The following WDR70 variants were observed in gnomAD, a reference collection of about 807,000 sequenced individuals.
The protein encoded by WDR70 is WD repeat-containing protein 70.
A neutral mutation model predicts 88.6 loss-of-function variants in WDR70; 53 were observed. That is an observed-to-expected ratio of 0.60 (90% CI 0.48 to 0.75). The LOEUF is 0.75. Among genes scored for constraint, WDR70 ranks in the 30% least tolerant of loss-of-function variants. The pLI, the probability that WDR70 is intolerant of heterozygous loss-of-function variation, is 0.00. For missense variants in WDR70, 610 were observed against 823.2 expected (o/e 0.74, Z 3.17); for synonymous variants, 280 against 270.0 (o/e 1.04, Z -0.36).
At chr5:37,471,521 G>T (rs1217559908) in intron 7 of WDR70, among the ~76,000 whole-genome samples, 1 of 151,088 alleles carries the variant, frequency 6.6e-6, no homozygotes, top group Non-Finnish European at 1.5e-5. Context: ...GACTTTCGTT[G>T]GTTAAATAGG....
chr5:37,724,032 G>A (rs1011248207), intron 15 of WDR70: 4 of 152,038 alleles, frequency 2.6e-5, no homozygotes, highest in African/African-American at 9.7e-5. Context: ...ACATTTTATT[G>A]ATATTATAAA....
chr5:37,380,640 C>A (rs1365212851), intron 2 of WDR70, among the ~76,000 whole-genome samples: 1 of 151,136 alleles, frequency 6.6e-6, no homozygotes, highest in African/African-American at 2.4e-5. Flanking sequence ...CTGTGCCCAG[C>A]CTTTTCTATT....
At chr5:37,468,179 T>G (rs142108595) in intron 7 of WDR70, among the ~76,000 whole-genome samples, 9,148 of 152,264 alleles carry the variant, frequency 0.06, 359 homozygotes, top group South Asian at 0.13. Flanking sequence ...AACACAAACA[T>G]GCAGTCTGTA....
chr5:37,733,569 T>C (rs573553198), intron 17 of WDR70, among the ~76,000 whole-genome samples: 14 of 152,208 alleles, frequency 9.2e-5, no homozygotes, highest in African/African-American at 3.4e-4. Context: ...TTCTCTGTTC[T>C]GTTCTGTCAA....
At chr5:37,502,906 C>A (rs1338796660) in intron 8 of WDR70, among the ~76,000 whole-genome samples, 1 of 152,170 alleles carries the variant, frequency 6.6e-6, no homozygotes, top group Non-Finnish European at 1.5e-5. Context: ...GAAGGATTCA[C>A]CCCCATGATC....
chr5:37,601,603 ATTC>A (rs1388943373), intron 9 of WDR70, among the ~76,000 whole-genome samples: 1 of 152,056 alleles, frequency 6.6e-6, no homozygotes, highest in Non-Finnish European at 1.5e-5. Context: ...ATTGGTATTA[ATTC>A]TTCTTTAACT....
At position 37,516,603 on chromosome 5, in the gene WDR70, G is replaced by A. The variant is rs779016451; in HGVS notation, c.917+13G>A. 2 of 1,566,740 alleles carry A rather than the reference G, an allele frequency of 1.3e-6. No individual in the cohort carries two copies. The highest frequency in any genetic ancestry group is 2.3e-5 in the South Asian group (2 of 87,164). On this transcript the variant is annotated intron_variant, in intron 9 of 17. Coordinates refer to ENST00000265107, the MANE Select transcript of WDR70 (RefSeq NM_018034.4). Reference sequence around the variant, plus strand: ...GCTCAAATGATGCGTGAGTATTGTTGATAATTCATCTAATACATTCATATC... The same window carrying A: ...GCTCAAATGATGCGTGAGTATTGTTAATAATTCATCTAATACATTCATATC...
At chr5:37,437,791 G>GT (rs1750516047) in intron 5 of WDR70, 131 bp from the exon 6 acceptor site, 14 of 833,088 alleles carry the variant, frequency 1.7e-5, no homozygotes, top group East Asian at 2.9e-5. Flanking sequence ...CTTTTTTGCT[G>GT]TTTTTTTAAG....
intron 9 of WDR70, among the ~76,000 whole-genome samples, chr5:37,569,326 T>C (rs1050636097): frequency 5.3e-5 from 8 of 152,198 alleles, no homozygotes; most frequent in African/African-American, 1.9e-4. Context: ...AGTCACTTGC[T>C]GCTTTCTCAG....
At chr5:37,536,017 T>C (rs1348559450) in intron 9 of WDR70, among the ~76,000 whole-genome samples, 2 of 152,184 alleles carry the variant, frequency 1.3e-5, no homozygotes, top group Non-Finnish European at 2.9e-5. Flanking sequence ...TTTAGAAACA[T>C]GTTGCAGTAT....
intron 3 of WDR70, among the ~76,000 whole-genome samples, chr5:37,384,172 C>CG (rs1223285894): frequency 8.8e-6 from 1 of 113,920 alleles, no homozygotes; most frequent in Non-Finnish European, 1.7e-5. Context: ...TACTTTCCCC[C>CG]CTTTTTTTTT....
At chr5:37,545,228 TCA>T (rs893966582) in intron 9 of WDR70, among the ~76,000 whole-genome samples, 1 of 152,148 alleles carries the variant, frequency 6.6e-6, no homozygotes, top group Non-Finnish European at 1.5e-5. Flanking sequence ...TAGAAATACC[TCA>T]GTCTTTCCTT....
At chr5:37,407,065 A>G (rs915333962) in intron 5 of WDR70, among the ~76,000 whole-genome samples, 6 of 152,208 alleles carry the variant, frequency 3.9e-5, no homozygotes, top group African/African-American at 1.4e-4. Context: ...AATAACAACA[A>G]ATAATTAGGT....
chr5:37,426,724 C>T (rs1561847909), intron 5 of WDR70, among the ~76,000 whole-genome samples: 1 of 151,734 alleles, frequency 6.6e-6, no homozygotes, highest in South Asian at 2.1e-4. Context: ...GATGTGATTT[C>T]TTGAGGCCAT....
intron 17 of WDR70, among the ~76,000 whole-genome samples, chr5:37,750,745 T>C (rs1748782495): frequency 6.6e-6 from 1 of 152,220 alleles, no homozygotes; most frequent in South Asian, 2.1e-4. Flanking sequence ...GACATAACTT[T>C]GCTTCTCATT....
intron 9 of WDR70, among the ~76,000 whole-genome samples, chr5:37,565,656 C>A (rs912359411): frequency 1.3e-5 from 2 of 152,030 alleles, no homozygotes; most frequent in East Asian, 3.9e-4. Flanking sequence ...AAACAGGTGT[C>A]TTTATATTAT....
At chr5:37,466,705 C>CAAAAAAA (rs796359494) in intron 7 of WDR70, among the ~76,000 whole-genome samples, 1 of 65,536 alleles carries the variant, frequency 1.5e-5, no homozygotes, top group African/African-American at 6.7e-5. Context: ...GACTCCATCT[C>CAAAAAAA]AAAAAAAAAA....
chr5:37,455,636 CTTTTTT>C lies in WDR70; in HGVS notation c.686+12278_686+12283del, dbSNP rs59254502. Among the ~76,000 whole-genome samples the C allele has an allele frequency of 2.4e-4, 17 of 70,440 alleles. 3 individuals are homozygous for C. The East Asian group carries it at 3.2e-3, about 13-fold the overall frequency. The allele number at this position is 70,440 out of a possible 152,430, so 46.2% of individuals were successfully genotyped here. Reference sequence around the variant, plus strand: ...TTCTCTCGGGTCCAGTTCTCTTTATCTTTTTTTTTTTTTTTTTTTGCCACAATTTGT... The same window carrying C: ...TTCTCTCGGGTCCAGTTCTCTTTATCTTTTTTTTTTTTTGCCACAATTTGT... On this transcript the variant is annotated intron_variant, in intron 7 of 17. Coordinates refer to ENST00000265107, the MANE Select transcript of WDR70 (RefSeq NM_018034.4).
At position 37,721,191 on chromosome 5, in the gene WDR70, A is replaced by G; in HGVS notation, c.1493A>G (p.Tyr498Cys). 1.2e-6 allele frequency: 2 copies of G among 1,613,680 alleles called. No individual in the cohort carries two copies. The highest frequency in any genetic ancestry group is 1.1e-5 in the South Asian group (1 of 91,080). ...VGTGNGLAKVYYDPNKSQRGA... is the reference protein window; with the variant it reads ...VGTGNGLAKVCYDPNKSQRGA... ...ACTGGAAATGGATTGGCTAAAGTCT[A>G]TTACGACCCCAACAAGAGTCAGAGG... is the stretch of plus-strand genomic sequence containing the variant. The change falls in exon 14 of 18, where the codon TAT becomes TGT. Residue 498 changes from tyrosine (Y) to cysteine (C), a missense_variant. Physicochemically the swap from Tyr to Cys is radical, Grantham distance 194 (BLOSUM62 -2). This residue lies in a region of WDR70 where 254 missense variants were observed against 300.7 expected (regional missense o/e 0.84). Coordinates refer to ENST00000265107, the MANE Select transcript of WDR70 (RefSeq NM_018034.4).
Sources: gnomAD v4.1 joint callset for allele counts (sites outside exome capture counted in the v4.1 genomes callset) on GRCh38, gnomAD v4.1.1 for gene constraint, gnomAD v4.1.1 regional missense constraint, MANE v1.5 for transcripts, NCBI Gene and HGNC (gene_info 2026-07-23, HGNC 2026-07-21) for gene names.